The following SND1 variants were observed in gnomAD, a reference collection of about 807,000 sequenced individuals.
SND1 encodes the protein staphylococcal nuclease and tudor domain containing 1.
In SND1, 38 loss-of-function variants were observed where a neutral mutation model predicts 121.7. The observed-to-expected ratio is 0.31, with a 90% confidence interval of 0.24 to 0.41. SND1 has a LOEUF of 0.41. Among genes scored for constraint, SND1 ranks in the 10% least tolerant of loss-of-function variants. The pLI is 1.00. For synonymous variants in SND1, 401 were observed against 447.4 expected (o/e 0.90, Z 1.31); for missense variants, 868 against 1,184.6 (o/e 0.73, Z 3.92).
At position 128,092,583 on chromosome 7, in the gene SND1, T is replaced by C. The variant is rs1793802138; in HGVS notation, c.*525T>C. ...TTTTGAGGCCCAATAAAATAGTACG[T>C]GCTGTCTGCAGCCCTTATTGATCAC... On this transcript the variant is annotated 3_prime_UTR_variant, in exon 24 of 24. Coordinates refer to ENST00000354725, the MANE Select transcript of SND1 (RefSeq NM_014390.4). The surrounding 1 kb of genome is among the most constrained non-coding windows in gnomAD (Gnocchi z 4.9). The C allele has an allele frequency of 6.2e-6, 1 of 160,230 alleles. No individual in the cohort carries two copies. 9.9% of individuals were successfully genotyped at this position (160,230 alleles called of 1,614,324 possible). A position where few individuals can be genotyped will look rare whatever the true frequency, so the allele number is the denominator to read the frequency against.
At chr7:128,031,612 C>T (rs1191209002) in intron 16 of SND1, 1 of 149,100 alleles carries the variant, frequency 6.7e-6, no homozygotes, top group East Asian at 1.9e-4. Context: ...CGTCCGGCCC[C>T]CGAGGACCAG....
At chr7:127,784,975 G>A (rs775156370) in intron 10 of SND1, among the ~76,000 whole-genome samples, 2 of 152,142 alleles carry the variant, frequency 1.3e-5, no homozygotes, top group Non-Finnish European at 2.9e-5. Flanking sequence ...CTGGAGTGCA[G>A]TGGCACAATC....
intron 12 of SND1, among the ~76,000 whole-genome samples, chr7:127,887,382 G>A (rs142277788): frequency 5.5e-4 from 83 of 152,124 alleles, no homozygotes; most frequent in African/African-American, 1.9e-3. Flanking sequence ...ACTTTGGGTA[G>A]AAGATCTACT....
intron 14 of SND1, among the ~76,000 whole-genome samples, chr7:127,920,441 T>C (rs1055351925): frequency 6.6e-6 from 1 of 152,172 alleles, no homozygotes; most frequent in Non-Finnish European, 1.5e-5. Flanking sequence ...GGAAGCTCTC[T>C]AACTGGAGGG....
At chr7:127,767,771 A>G (rs752769551) in intron 10 of SND1, among the ~76,000 whole-genome samples, 4 of 152,212 alleles carry the variant, frequency 2.6e-5, no homozygotes, top group Non-Finnish European at 4.4e-5. Context: ...TAAAGAATCA[A>G]TGGAGCAAAT....
intron 13 of SND1, among the ~76,000 whole-genome samples, chr7:127,889,919 T>A (rs1396632793): frequency 6.6e-6 from 1 of 152,160 alleles, no homozygotes; most frequent in Non-Finnish European, 1.5e-5. Context: ...CTTTATCCGT[T>A]CATCTGTTGA....
chr7:127,834,010 T>G (rs1342483243), intron 11 of SND1, among the ~76,000 whole-genome samples: 2 of 152,178 alleles, frequency 1.3e-5, no homozygotes, highest in Non-Finnish European at 2.9e-5. Context: ...TATAATGTCC[T>G]CAAGATAATG....
chr7:127,858,156 G>C (rs1344627399), intron 12 of SND1: 1 of 822,856 alleles, frequency 1.2e-6, no homozygotes, highest in Non-Finnish European at 2.2e-6. Flanking sequence ...TGGGATTGTG[G>C]GGTCCCTAGG....
At chr7:127,705,868 T>C (rs946306260) in intron 8 of SND1, among the ~76,000 whole-genome samples, 1 of 152,214 alleles carries the variant, frequency 6.6e-6, no homozygotes, top group African/African-American at 2.4e-5. Flanking sequence ...GTGACAGATA[T>C]ACAGCTAAGA....
At chr7:128,028,893 G>A in intron 16 of SND1, 1 of 1,613,934 alleles carries the variant, frequency 6.2e-7, no homozygotes, top group Non-Finnish European at 8.5e-7. Context: ...AGCTGCTGTT[G>A]CTGCTGCGGA....
At chr7:128,044,638 C>A in intron 16 of SND1, among the ~76,000 whole-genome samples, 1 of 127,346 alleles carries the variant, frequency 7.9e-6, no homozygotes, top group Non-Finnish European at 1.7e-5. Context: ...CCCCCACCCC[C>A]GCCACACACA....
chr7:127,676,340 C>T (rs529099615), intron 1 of SND1, among the ~76,000 whole-genome samples: 3 of 152,066 alleles, frequency 2.0e-5, no homozygotes, highest in Non-Finnish European at 4.4e-5. Context: ...TTCAGGGAGT[C>T]AAGGATCTTA....
chr7:127,991,067 T>A lies in SND1; in HGVS notation c.1779+11T>A. 1 of 1,595,368 alleles carries A rather than the reference T, an allele frequency of 6.3e-7. No homozygotes were observed. Among genetic ancestry groups the A allele is most frequent in the Non-Finnish European group, 8.6e-7 (1 of 1,164,216 alleles). On this transcript the variant is annotated intron_variant, in intron 16 of 23. Coordinates refer to ENST00000354725, the MANE Select transcript of SND1 (RefSeq NM_014390.4). ...GTGCTGCAGCGAGAGGTAGGACATC[T>A]TCCTGTTGCTTCTTCTGTGAGGAGG...
intron 12 of SND1, among the ~76,000 whole-genome samples, chr7:127,860,540 G>T (rs1245140763): frequency 6.6e-6 from 1 of 152,222 alleles, no homozygotes; most frequent in Non-Finnish European, 1.5e-5. Flanking sequence ...TAGTTGAATT[G>T]CTTGTCTGAG....
At chr7:127,957,460 A>G (rs1174700195) in intron 15 of SND1, among the ~76,000 whole-genome samples, 1 of 152,116 alleles carries the variant, frequency 6.6e-6, no homozygotes, top group Non-Finnish European at 1.5e-5. Context: ...ATTGATTCAA[A>G]AGAGACTGAG....
chr7:127,724,372 G>A (rs989416793), intron 10 of SND1, among the ~76,000 whole-genome samples: 1 of 152,226 alleles, frequency 6.6e-6, no homozygotes, highest in Non-Finnish European at 1.5e-5. Context: ...GCAATGACAA[G>A]AATGAGTTTT....
intron 12 of SND1, among the ~76,000 whole-genome samples, chr7:127,845,905 T>TA (rs1293414666): frequency 5.3e-5 from 8 of 152,234 alleles, no homozygotes; most frequent in African/African-American, 1.9e-4. Flanking sequence ...ATTTTTAAGA[T>TA]AATTTGAGAC....
rs534105255 is a variant in SND1, at chr7:127,752,552, T to A, written c.1152+31152T>A. The stretch of plus-strand genomic sequence containing the variant: ...TTTCCTTTGGTAAGTGAAAGAGGAA[T>A]TTAAAAAGTATAATGCAGGGGCCAG... On this transcript the variant is annotated intron_variant, in intron 10 of 23. Transcript: ENST00000354725. 1.3e-3 allele frequency among the ~76,000 whole-genome samples: 196 copies of A among 152,326 alleles called. 10 individuals carry two copies. The South Asian group carries it at 0.04, about 31-fold the overall frequency.
chr7:127,843,591 T>C (rs561393190), intron 11 of SND1, among the ~76,000 whole-genome samples: 1 of 152,334 alleles, frequency 6.6e-6, no homozygotes, highest in South Asian at 2.1e-4. Flanking sequence ...TTTTTATCAC[T>C]GAATAATATT....
Sources: allele counts gnomAD v4.1 joint callset (sites outside exome capture counted in the v4.1 genomes callset), GRCh38; gene constraint gnomAD v4.1.1; non-coding constraint Gnocchi (gnomAD v3.1); transcripts MANE v1.5; gene names NCBI Gene and HGNC (gene_info 2026-07-23, HGNC 2026-07-21).